Variants in ADCY1 observed in about 807,000 individuals in gnomAD.
The protein encoded by ADCY1 is adenylate cyclase 1, also known as adenylate cyclase type 1.
Under a neutral mutation model 105.4 loss-of-function variants are expected in ADCY1, and 28 were observed. That is an observed-to-expected ratio of 0.27 (90% CI 0.20 to 0.36). The LOEUF (loss-of-function observed/expected upper bound fraction) is 0.36, where lower values mean the gene tolerates loss of function less well. Ranked by LOEUF, ADCY1 falls within the 10% of genes least tolerant of loss-of-function variation. The pLI, the probability that ADCY1 is intolerant of heterozygous loss-of-function variation, is 1.00. For missense variants in ADCY1, 977 were observed against 1,434.2 expected (o/e 0.68, Z 5.15); for synonymous variants, 655 against 623.8 (o/e 1.05, Z -0.75).
chr7:45,590,345 G>A (rs369532900), intron 1 of ADCY1, among the ~76,000 whole-genome samples: 25 of 152,156 alleles, frequency 1.6e-4, no homozygotes, highest in African/African-American at 5.6e-4. Flanking sequence ...CCTAATTGTC[G>A]TTTTTGTTTT....
intron 1 of ADCY1, among the ~76,000 whole-genome samples, chr7:45,583,442 A>C (rs1277795428): frequency 2.0e-5 from 3 of 152,220 alleles, no homozygotes. Context: ...GAATCTGAGC[A>C]CAACTTTTTG....
intron 14 of ADCY1, among the ~76,000 whole-genome samples, chr7:45,690,066 G>T (rs1411292723): frequency 1.3e-5 from 2 of 152,240 alleles, no homozygotes; most frequent in Admixed American, 6.5e-5. Context: ...ACACAGCCCA[G>T]GAGGCAGGTG....
intron 5 of ADCY1, among the ~76,000 whole-genome samples, chr7:45,653,044 A>G (rs1794852017): frequency 6.6e-6 from 1 of 152,204 alleles, no homozygotes; most frequent in African/African-American, 2.4e-5. Context: ...AATGCCCGTT[A>G]ATTTTTATTG....
chr7:45,612,999 G>A (rs572411629), intron 3 of ADCY1, among the ~76,000 whole-genome samples: 1 of 152,316 alleles, frequency 6.6e-6, no homozygotes, highest in East Asian at 1.9e-4. Flanking sequence ...GGTCCATGAA[G>A]ATTGGGAGAG....
chr7:45,671,022 G>C (rs1396108682), intron 8 of ADCY1, among the ~76,000 whole-genome samples: 1 of 152,224 alleles, frequency 6.6e-6, no homozygotes, highest in Non-Finnish European at 1.5e-5. Flanking sequence ...GCTTGTTTGG[G>C]GTTGTAGCCT....
chr7:45,645,914 C>T (rs1794651504), intron 4 of ADCY1, among the ~76,000 whole-genome samples: 3 of 150,940 alleles, frequency 2.0e-5, no homozygotes, highest in Non-Finnish European at 2.9e-5. Context: ...TCATTTGGGC[C>T]TCTGAGAAGA....
intron 6 of ADCY1, 125 bp from the exon 7 acceptor site, chr7:45,659,917 T>C (rs1396525751): frequency 1.6e-6 from 2 of 1,233,322 alleles, no homozygotes; most frequent in Non-Finnish European, 2.3e-6. Flanking sequence ...GCATGAATAC[T>C]CCCCGTGGAG....
chr7:45,675,748 A>C (rs1584323847), intron 8 of ADCY1, among the ~76,000 whole-genome samples: 1 of 152,066 alleles, frequency 6.6e-6, no homozygotes, highest in Non-Finnish European at 1.5e-5. Flanking sequence ...TTCCTCCCCC[A>C]AAAAATCAGA....
At chr7:45,633,337 T>C (rs1794311575) in intron 4 of ADCY1, among the ~76,000 whole-genome samples, 1 of 152,182 alleles carries the variant, frequency 6.6e-6, no homozygotes, top group South Asian at 2.1e-4. Context: ...TGGATTTTTT[T>C]CAATAAATAT....
intron 6 of ADCY1, among the ~76,000 whole-genome samples, chr7:45,659,384 G>T (rs1304358893): frequency 2.0e-5 from 3 of 152,226 alleles, no homozygotes; most frequent in Non-Finnish European, 2.9e-5. Flanking sequence ...GGAAGGTGGG[G>T]AGTTTGCTTC....
chr7:45,706,740 GA>G (rs1175674556), intron 17 of ADCY1, among the ~76,000 whole-genome samples: 1 of 152,086 alleles, frequency 6.6e-6, no homozygotes, highest in African/African-American at 2.4e-5. Flanking sequence ...CCTACTCTGT[GA>G]AAAATATTGT....
chr7:45,665,063 GGAT>G (rs1784200063), intron 8 of ADCY1, among the ~76,000 whole-genome samples: 1 of 152,112 alleles, frequency 6.6e-6, no homozygotes, highest in South Asian at 2.1e-4. Flanking sequence ...AGTTTGCTGA[GGAT>G]GATGGTTTCC....
intron 4 of ADCY1, among the ~76,000 whole-genome samples, chr7:45,632,769 C>T (rs1342423163): frequency 6.6e-6 from 1 of 151,972 alleles, no homozygotes; most frequent in African/African-American, 2.4e-5. Flanking sequence ...AGGGTCTCAC[C>T]ATGTTGCCCA....
chr7:45,655,477 G>A (rs1466943058), intron 5 of ADCY1, among the ~76,000 whole-genome samples: 1 of 152,240 alleles, frequency 6.6e-6, no homozygotes, highest in African/African-American at 2.4e-5. Context: ...GAAGTTAAAG[G>A]TTCTGTTGGA....
chr7:45,584,196 G>C (rs545856984), intron 1 of ADCY1, among the ~76,000 whole-genome samples: 1 of 152,132 alleles, frequency 6.6e-6, no homozygotes, highest in Admixed American at 6.5e-5. Context: ...ACCTCACCTT[G>C]GCCTCCCAGA....
chr7:45,674,858 CTCCTACTT>C (rs574446470), intron 8 of ADCY1, among the ~76,000 whole-genome samples: 1 of 152,184 alleles, frequency 6.6e-6, no homozygotes, highest in Non-Finnish European at 1.5e-5. Context: ...ACTACAGCCA[CTCCTACTT>C]TCTTTAGATT....
intron 14 of ADCY1, among the ~76,000 whole-genome samples, chr7:45,689,499 G>A (rs1756290064): frequency 6.6e-6 from 1 of 152,080 alleles, no homozygotes; most frequent in Admixed American, 6.5e-5. Flanking sequence ...GAGCAAGGGG[G>A]TGGGGGGAAG....
At chr7:45,694,221 A>G (rs561587740) in intron 14 of ADCY1, among the ~76,000 whole-genome samples, 2 of 152,316 alleles carry the variant, frequency 1.3e-5, no homozygotes, top group South Asian at 2.1e-4. Flanking sequence ...TCAAGAGCAC[A>G]TAAGTATGAA....
intron 2 of ADCY1, among the ~76,000 whole-genome samples, chr7:45,606,119 C>T (rs1369701087): frequency 1.3e-5 from 2 of 152,110 alleles, no homozygotes; most frequent in Non-Finnish European, 2.9e-5. Context: ...CCCTCATGGT[C>T]CCCGCTAATA....
Sources: allele counts gnomAD v4.1 joint callset (sites outside exome capture counted in the v4.1 genomes callset), GRCh38; gene constraint gnomAD v4.1.1; transcripts MANE v1.5; gene names NCBI Gene and HGNC (gene_info 2026-07-23, HGNC 2026-07-21).